Variants in GPC5 observed in about 807,000 individuals in gnomAD.
GPC5 encodes glypican-5.
GPC5 carries 47 observed loss-of-function variants against 53.9 expected under a neutral mutation model. The observed-to-expected ratio is 0.87, with a 90% confidence interval of 0.69 to 1.11. The LOEUF (loss-of-function observed/expected upper bound fraction) is 1.11, where lower values mean the gene tolerates loss of function less well. GPC5 is among the 50% of genes most tolerant of loss of function. The pLI, the probability that GPC5 is intolerant of heterozygous loss-of-function variation, is 0.00. For synonymous variants in GPC5, 286 were observed against 263.3 expected (o/e 1.09, Z -0.84); for missense variants, 748 against 713.1 (o/e 1.05, Z -0.56).
chr13:91,673,499 A>G (rs964681751), intron 2 of GPC5, among the ~76,000 whole-genome samples: 1 of 152,118 alleles, frequency 6.6e-6, no homozygotes, highest in South Asian at 2.1e-4. Flanking sequence ...TATTAAAAAC[A>G]GCTCAGAGGA....
intron 5 of GPC5, among the ~76,000 whole-genome samples, chr13:91,833,580 G>T (rs536564690): frequency 3.3e-5 from 5 of 151,634 alleles, no homozygotes; most frequent in East Asian, 3.9e-4. Flanking sequence ...CCCTGGGATG[G>T]TTCAACATAT....
chr13:92,457,965 G>A (rs969918837), intron 7 of GPC5, among the ~76,000 whole-genome samples: 2 of 151,970 alleles, frequency 1.3e-5, no homozygotes, highest in African/African-American at 4.8e-5. Context: ...GTATTGTCCC[G>A]GCATGCTGTT....
At chr13:91,475,229 A>C (rs1426190147) in intron 2 of GPC5, among the ~76,000 whole-genome samples, 1 of 152,114 alleles carries the variant, frequency 6.6e-6, no homozygotes. Flanking sequence ...AATTTTGGTC[A>C]CTTTTTGGAC....
chr13:91,713,252 G>T (rs892780110), intron 3 of GPC5, among the ~76,000 whole-genome samples: 1 of 151,994 alleles, frequency 6.6e-6, no homozygotes, highest in African/African-American at 2.4e-5. Context: ...CTACAAGCAA[G>T]CAAGATTTTA....
At chr13:92,288,113 C>G (rs1307903403) in intron 7 of GPC5, among the ~76,000 whole-genome samples, 2 of 151,880 alleles carry the variant, frequency 1.3e-5, no homozygotes, top group African/African-American at 2.4e-5. Context: ...ATTTAAATCC[C>G]TATCTGTTTG....
chr13:92,580,791 T>C (rs1296389694), intron 7 of GPC5, among the ~76,000 whole-genome samples: 1 of 152,136 alleles, frequency 6.6e-6, no homozygotes, highest in Non-Finnish European at 1.5e-5. Flanking sequence ...AAACTGTTCA[T>C]GAGAAATTCA....
chr13:92,151,344 A>T (rs2041906123), intron 7 of GPC5, among the ~76,000 whole-genome samples: 1 of 152,138 alleles, frequency 6.6e-6, no homozygotes, highest in Non-Finnish European at 1.5e-5. Flanking sequence ...CCTACAGATG[A>T]TGTTACTATT....
At chr13:91,960,330 G>T (rs1181624103) in intron 6 of GPC5, among the ~76,000 whole-genome samples, 4 of 151,364 alleles carry the variant, frequency 2.6e-5, no homozygotes, top group Non-Finnish European at 5.9e-5. Flanking sequence ...ACTTACAATG[G>T]CTACAAAAAA....
At chr13:92,079,197 A>T (rs1337036112) in intron 6 of GPC5, among the ~76,000 whole-genome samples, 1 of 151,940 alleles carries the variant, frequency 6.6e-6, no homozygotes, top group Non-Finnish European at 1.5e-5. Flanking sequence ...GATTACAGGC[A>T]CCCGCCACCA....
chr13:91,652,895 T>C (rs1364140729), intron 2 of GPC5, among the ~76,000 whole-genome samples: 1 of 152,194 alleles, frequency 6.6e-6, no homozygotes, highest in Non-Finnish European at 1.5e-5. Context: ...CTTGGGGAGA[T>C]CTTTTGACAC....
chr13:92,573,420 ACTC>A (rs895434541), intron 7 of GPC5, among the ~76,000 whole-genome samples: 2 of 152,152 alleles, frequency 1.3e-5, no homozygotes, highest in African/African-American at 2.4e-5. Context: ...TCATTGTACT[ACTC>A]CAGAGACAAG....
At chr13:91,522,930 T>A (rs954307749) in intron 2 of GPC5, among the ~76,000 whole-genome samples, 1 of 152,204 alleles carries the variant, frequency 6.6e-6, no homozygotes, top group Non-Finnish European at 1.5e-5. Flanking sequence ...GACGTTTGGG[T>A]TGGTTCCAAG....
At chr13:91,446,919 C>T (rs1039657101) in intron 1 of GPC5, among the ~76,000 whole-genome samples, 2 of 152,166 alleles carry the variant, frequency 1.3e-5, no homozygotes, top group Non-Finnish European at 2.9e-5. Context: ...GTAAGTGTGT[C>T]TGAGACAGAG....
chr13:92,548,698 T>C (rs373451005), intron 7 of GPC5, among the ~76,000 whole-genome samples: 28 of 152,132 alleles, frequency 1.8e-4, no homozygotes, highest in African/African-American at 4.1e-4. Flanking sequence ...TATTTTCTTC[T>C]TCATATGGTG....
At chr13:91,708,699 A>T (rs967941045) in intron 3 of GPC5, among the ~76,000 whole-genome samples, 1 of 151,968 alleles carries the variant, frequency 6.6e-6, no homozygotes. Flanking sequence ...ATAACAATAA[A>T]GCTGTTATAA....
At chr13:91,914,576 G>A (rs954819249) in intron 6 of GPC5, among the ~76,000 whole-genome samples, 6 of 151,996 alleles carry the variant, frequency 3.9e-5, no homozygotes, top group African/African-American at 1.4e-4. Flanking sequence ...TAACAATGGA[G>A]AGTATTCAGG....
intron 7 of GPC5, among the ~76,000 whole-genome samples, chr13:92,611,041 T>C (rs1884419514): frequency 6.6e-6 from 1 of 151,112 alleles, no homozygotes; most frequent in Non-Finnish European, 1.5e-5. Context: ...TCCTATGTGG[T>C]ACATTATAAT....
At position 92,566,123 on chromosome 13, in the gene GPC5, T is replaced by G. The variant is rs545678539; in HGVS notation, c.1562-300159T>G. 6.6e-5 allele frequency among the ~76,000 whole-genome samples: 10 copies of G among 152,178 alleles called. No individual in the cohort carries two copies. In the East Asian group the frequency reaches 1.9e-3, roughly 29 times the overall value. On this transcript the variant is annotated intron_variant, in intron 7 of 7. Transcript: ENST00000377067. ...TTTAGAACATATTATCATTTAATCT[T>G]GATAATCTGTTAGAGGCCATGGAAA...
At chr13:91,589,649 G>C (rs944326191) in intron 2 of GPC5, among the ~76,000 whole-genome samples, 1 of 152,036 alleles carries the variant, frequency 6.6e-6, no homozygotes, top group African/African-American at 2.4e-5. Context: ...GATTGACAAA[G>C]GGTACAATTT....
Sources: gnomAD v4.1 joint callset for allele counts (sites outside exome capture counted in the v4.1 genomes callset) on GRCh38, gnomAD v4.1.1 for gene constraint, MANE v1.5 for transcripts, NCBI Gene and HGNC (gene_info 2026-07-23, HGNC 2026-07-21) for gene names.